The following HES4 variants were observed in gnomAD, a reference collection of about 807,000 sequenced individuals.
The protein encoded by HES4 is hes family bHLH transcription factor 4, also known as transcription factor HES-4.
A neutral mutation model predicts 10.7 loss-of-function variants in HES4; 17 were observed. The observed-to-expected ratio is 1.59, with a 90% CI of 1.09 to 2.38. The LOEUF (loss-of-function observed/expected upper bound fraction) is 2.38. Among genes scored for constraint, HES4 ranks in the 30% most tolerant of loss-of-function variants. The pLI is 0.00. For missense variants in HES4, 389 were observed against 332.1 expected (o/e 1.17, Z -1.33); for synonymous variants, 189 against 159.7 (o/e 1.18, Z -1.38).
Position 999,215 on chromosome 1 carries a change from G to T in HES4, c.510C>A (p.Pro170=), listed in dbSNP as rs1375757584. 7.7e-7 allele frequency: 1 copy of T among 1,305,150 alleles called. No homozygotes were observed. Among genetic ancestry groups the T allele is most frequent in the Non-Finnish European group, 9.7e-7 (1 of 1,033,414 alleles). 80.8% of individuals were successfully genotyped at this position (1,305,150 alleles called of 1,614,324 possible). A position where few individuals can be genotyped will look rare whatever the true frequency, so the allele number is the denominator to read the frequency against. The change falls in exon 4 of 4, where the codon CCC becomes CCA. Residue 170 remains proline (P), a synonymous_variant. Transcript: ENST00000304952. The stretch of plus-strand genomic sequence containing the variant: ...GCAGCGGGCGGCCCGCGTAGACCTC[G>T]GGCGCTGGGGCCTCTGCGGGGGCAG... The part of the protein sequence containing the change: ...SPAAPAEAPA[P]EVYAGRPLLP...
Position 999,530 on chromosome 1 carries a change from C to T in HES4, c.288G>A (p.Val96=). ...CCGCCGCCGCCCGCGCCTCACCCGT[C>T]ACCTGCACGCGACGCAGGCTCCGCA... The part of the protein sequence containing the change: ...RHLRSLRRVQ[V]TAALSADPAV... The change falls in exon 3 of 4, where the codon GTG becomes GTA. Residue 96 remains valine, a synonymous_variant. Coordinates refer to ENST00000304952, the MANE Select transcript of HES4 (RefSeq NM_021170.4). 2 of 1,598,866 alleles carry T rather than the reference C, an allele frequency of 1.3e-6. No homozygotes were observed. Among genetic ancestry groups the T allele is most frequent in the African/African-American group, 1.4e-5 (1 of 73,862 alleles).
Position 999,320 on chromosome 1 carries a change from C to A in HES4, c.405G>T (p.Val135=). Reference sequence around the variant, plus strand: ...CCAGGTGGCCCAGCAGGCGGGAGCGCACGTCGGCCGGGACGCCCTCGCAGC... The same window carrying A: ...CCAGGTGGCCCAGCAGGCGGGAGCGAACGTCGGCCGGGACGCCCTCGCAGC... The part of the protein sequence containing the change: ...LAGCEGVPAD[V]RSRLLGHLAA... The change falls in exon 4 of 4, where the codon GTG becomes GTT. Residue 135 remains valine (V), a synonymous_variant. Transcript: ENST00000304952. 1 of 1,478,470 alleles carries A rather than the reference C, an allele frequency of 6.8e-7. No individual in the cohort carries two copies. The highest frequency in any genetic ancestry group is 8.9e-7 in the Non-Finnish European group (1 of 1,121,336). The allele number at this position is 1,478,470 out of a possible 1,614,324, so 91.6% of individuals were successfully genotyped here.
At position 999,602 on chromosome 1, in the gene HES4, G is replaced by A; in HGVS notation, c.216C>T (p.His72=). Residue 72 remains histidine, a synonymous_variant, in exon 3 of 4, where the codon CAC becomes CAT. Coordinates refer to ENST00000304952, the MANE Select transcript of HES4 (RefSeq NM_021170.4). ...GGATGTCCGCCTTCTCCAGCTTCGA[G>A]TGGCGGGAGCTCTGGGGGCGGGGAT... ...LDALRKESSR[H]SKLEKADILE... 6.2e-7 allele frequency: 1 copy of A among 1,607,950 alleles called. No individual in the cohort carries two copies. The highest frequency in any genetic ancestry group is 8.5e-7 in the Non-Finnish European group (1 of 1,178,084).
rs1229848342 is a variant in HES4 at position 999,088 on chromosome 1, C to G, written c.637G>C (p.Gly213Arg). 6 of 1,233,108 alleles carry G rather than the reference C, an allele frequency of 4.9e-6. No individual in the cohort carries two copies. Among genetic ancestry groups the G allele is most frequent in the Admixed American group, 4.0e-5 (1 of 25,082 alleles). The allele number at this position is 1,233,108 out of a possible 1,614,324, so 76.4% of individuals were successfully genotyped here. ...AAPRAGPQGP[G>R]GPWRPWLR ...CGCAGCCACGGCCTCCAGGGCCCAC[C>G]CGGGCCCTGCGGCCCCGCCCTGGGG... Residue 213 changes from glycine to arginine, a missense_variant, in exon 4 of 4, where the codon GGT (glycine) becomes CGT (arginine). Coordinates refer to ENST00000304952, the MANE Select transcript of HES4 (RefSeq NM_021170.4).
Position 999,986 on chromosome 1 carries a change from G to C in HES4, c.-13C>G. The C allele has an allele frequency of 7.2e-7, 1 of 1,387,134 alleles. No homozygotes were observed. Among genetic ancestry groups the C allele is most frequent in the Non-Finnish European group, 9.3e-7 (1 of 1,078,368 alleles). 85.9% of individuals were successfully genotyped at this position (1,387,134 alleles called of 1,614,324 possible). A position where few individuals can be genotyped will look rare whatever the true frequency, so the allele number is the denominator to read the frequency against. ...TGTCTGCGGCCATGGTGCGCCCCGC[G>C]CCTCCCCGTGCCGGGTGGAGCGCGC... On this transcript the variant is annotated 5_prime_UTR_variant, in exon 1 of 4. Coordinates refer to ENST00000304952, the MANE Select transcript of HES4 (RefSeq NM_021170.4).
Position 999,943 on chromosome 1 carries a change from C to A in HES4, c.31G>T (p.Ala11Ser), listed in dbSNP as rs1014718030. ...GCCGGCGCTCCTGCCATCGGCGAGG[C>A]GCTCGGTTTCCCCGGCGTGTCTGCG... MAADTPGKPS[A>S]SPMAGAPASA... is the part of the protein sequence containing the mutation. Residue 11 changes from alanine (A) to serine (S), a missense_variant, in exon 1 of 4, where the codon GCC becomes TCC. Transcript: ENST00000304952. 2.7e-6 allele frequency: 4 copies of A among 1,455,536 alleles called. No homozygotes were observed. Among genetic ancestry groups the A allele is most frequent in the Non-Finnish European group, 2.7e-6 (3 of 1,114,064 alleles). 90.2% of individuals were successfully genotyped at this position (1,455,536 alleles called of 1,614,324 possible). A position where few individuals can be genotyped will look rare whatever the true frequency, so the allele number is the denominator to read the frequency against.
chr1:998,965 G>C lies in HES4; in HGVS notation c.*94C>G. 2 of 1,106,176 alleles carry C rather than the reference G, an allele frequency of 1.8e-6. No homozygotes were observed. The highest frequency in any genetic ancestry group is 1.2e-6 in the Non-Finnish European group (1 of 866,012). 68.5% of individuals were successfully genotyped at this position (1,106,176 alleles called of 1,614,324 possible). The stretch of plus-strand genomic sequence containing the variant: ...AAAGAAAACTCGTGACGCAGACTCT[G>C]GAATAATAAATACGTTTTCTCTGCT... On this transcript the variant is annotated 3_prime_UTR_variant, in exon 4 of 4. Coordinates refer to ENST00000304952, the MANE Select transcript of HES4 (RefSeq NM_021170.4).
At position 999,966 on chromosome 1, in the gene HES4, G is replaced by A. The variant is rs753810312; in HGVS notation, c.8C>T (p.Ala3Val). The part of the protein sequence containing the change: MA[A>V]DTPGKPSASP... ...GGCGCTCGGTTTCCCCGGCGTGTCT[G>A]CGGCCATGGTGCGCCCCGCGCCTCC... is the stretch of plus-strand genomic sequence containing the variant. Residue 3 changes from alanine (A) to valine (V), a missense_variant, in exon 1 of 4, where the codon GCA (alanine) becomes GTA (valine). Ala to Val is a moderately conservative substitution (Grantham distance 64, BLOSUM62 0). Transcript: ENST00000304952. The A allele has an allele frequency of 4.2e-6, 6 of 1,443,898 alleles. No homozygotes were observed. In the South Asian group the frequency reaches 5.4e-5, roughly 13 times the overall value. The allele number at this position is 1,443,898 out of a possible 1,614,324, so 89.4% of individuals were successfully genotyped here.
chr1:999,182 C>T lies in HES4; in HGVS notation c.543G>A (p.Ser181=). The T allele has an allele frequency of 8.0e-7, 1 of 1,256,962 alleles. No individual in the cohort carries two copies. Among genetic ancestry groups the T allele is most frequent in the South Asian group, 3.1e-5 (1 of 32,266 alleles). 77.9% of individuals were successfully genotyped at this position (1,256,962 alleles called of 1,614,324 possible). Residue 181 remains serine, a synonymous_variant, in exon 4 of 4, where the codon TCG becomes TCA. Transcript: ENST00000304952. ...EVYAGRPLLP[S]LGGPFPLLAP... ...CGAGCAGAGGGAAGGGGCCGCCGAGCGATGGCAGCAGCGGGCGGCCCGCGT... is the reference window on the plus strand; with the variant it reads ...CGAGCAGAGGGAAGGGGCCGCCGAGTGATGGCAGCAGCGGGCGGCCCGCGT...
rs1318057704 is a variant in HES4 at position 999,569 on chromosome 1, C to T, written c.249G>A (p.Met83Ile). ...SKLEKADILE[M>I]TVRHLRSLRR... ...GCAGGCTCCGCAGGTGTCTCACGGTCATCTCCAGGATGTCCGCCTTCTCCA... is the reference window on the plus strand; with the variant it reads ...GCAGGCTCCGCAGGTGTCTCACGGTTATCTCCAGGATGTCCGCCTTCTCCA... Residue 83 changes from methionine to isoleucine, a missense_variant, in exon 3 of 4, where the codon ATG becomes ATA. Coordinates refer to ENST00000304952, the MANE Select transcript of HES4 (RefSeq NM_021170.4). 1 of 1,607,898 alleles carries T rather than the reference C, an allele frequency of 6.2e-7. No individual in the cohort carries two copies. The highest frequency in any genetic ancestry group is 8.5e-7 in the Non-Finnish European group (1 of 1,178,022).
Position 999,212 on chromosome 1 carries a change from C to A in HES4, c.513G>T (p.Glu171Asp). Residue 171 changes from glutamate to aspartate, a missense_variant, in exon 4 of 4, where the codon GAG (glutamate) becomes GAT (aspartate). Transcript: ENST00000304952. ...PAAPAEAPAPEVYAGRPLLPS... is the reference protein window; with the variant it reads ...PAAPAEAPAPDVYAGRPLLPS... ...GCAGCAGCGGGCGGCCCGCGTAGAC[C>A]TCGGGCGCTGGGGCCTCTGCGGGGG... 7.7e-7 allele frequency: 1 copy of A among 1,304,542 alleles called. No homozygotes were observed. Among genetic ancestry groups the A allele is most frequent in the African/African-American group, 1.6e-5 (1 of 64,476 alleles). 80.8% of individuals were successfully genotyped at this position (1,304,542 alleles called of 1,614,324 possible).
chr1:999,944 G>C lies in HES4; in HGVS notation c.30C>G (p.Ser10Arg). The part of the protein sequence containing the change: MAADTPGKP[S>R]ASPMAGAPAS... The stretch of plus-strand genomic sequence containing the variant: ...CCGGCGCTCCTGCCATCGGCGAGGC[G>C]CTCGGTTTCCCCGGCGTGTCTGCGG... The change falls in exon 1 of 4, where the codon AGC (serine) becomes AGG (arginine). Residue 10 changes from serine to arginine, a missense_variant. By Grantham distance (110) the Ser-to-Arg change is moderately radical. Coordinates refer to ENST00000304952, the MANE Select transcript of HES4 (RefSeq NM_021170.4). 6.9e-7 allele frequency: 1 copy of C among 1,455,376 alleles called. No individual in the cohort carries two copies. Among genetic ancestry groups the C allele is most frequent in the Non-Finnish European group, 9.0e-7 (1 of 1,113,974 alleles). The allele number at this position is 1,455,376 out of a possible 1,614,324, so 90.2% of individuals were successfully genotyped here. A position where few individuals can be genotyped will look rare whatever the true frequency, so the allele number is the denominator to read the frequency against.
chr1:999,553 G>A lies in HES4; in HGVS notation c.265C>T (p.Arg89Trp), dbSNP rs774140145. 9 of 1,604,956 alleles carry A rather than the reference G, an allele frequency of 5.6e-6. No individual in the cohort carries two copies. The Admixed American group carries it at 1.0e-4, about 18-fold the overall frequency. Reference sequence around the variant, plus strand: ...GTCACCTGCACGCGACGCAGGCTCCGCAGGTGTCTCACGGTCATCTCCAGG... The same window carrying A: ...GTCACCTGCACGCGACGCAGGCTCCACAGGTGTCTCACGGTCATCTCCAGG... ...DILEMTVRHL[R>W]SLRRVQVTAA... Residue 89 changes from arginine to tryptophan, a missense_variant, in exon 3 of 4, where the codon CGG becomes TGG. Arg to Trp is a moderately radical substitution (Grantham distance 101). Coordinates refer to ENST00000304952, the MANE Select transcript of HES4 (RefSeq NM_021170.4).
rs1039053449 is a variant in HES4 at position 999,688 on chromosome 1, T to G, written c.204+4A>C. 2 of 1,611,610 alleles carry G rather than the reference T, an allele frequency of 1.2e-6. No homozygotes were observed. Among genetic ancestry groups the G allele is most frequent in the South Asian group, 2.2e-5 (2 of 90,796 alleles). ...CGGGTCTCGGGCCTTCGCCCCCGAC[T>G]TACCTCTTTTCTGAGGGCGTCCAGG... On this transcript the variant is annotated splice_donor_region_variant and intron_variant, in intron 2 of 3. Transcript: ENST00000304952.
At chr1:999,844 T>A (rs1644002529) in intron 1 of HES4, 22 bp downstream of exon 1, 1 of 1,585,752 alleles carries the variant, frequency 6.3e-7, no homozygotes, top group Non-Finnish European at 8.6e-7. Context: ...GTCGCCCCCC[T>A]CACGCCCGGC....
At chr1:999,821 C>G (rs761247038) in intron 1 of HES4, 34 bp from the exon 2 acceptor site, 11 of 1,604,806 alleles carry the variant, frequency 6.9e-6, no homozygotes, top group Middle Eastern at 1.8e-4. Flanking sequence ...TCCCGCGTCC[C>G]TCCCGCCCCC....
rs1246661987 is a variant in HES4, at chr1:999,100, G to C, written c.625C>G (p.Pro209Ala). 1 of 1,221,728 alleles carries C rather than the reference G, an allele frequency of 8.2e-7. No individual in the cohort carries two copies. The highest frequency in any genetic ancestry group is 1.6e-5 in the African/African-American group (1 of 63,850). 75.7% of individuals were successfully genotyped at this position (1,221,728 alleles called of 1,614,324 possible). A position where few individuals can be genotyped will look rare whatever the true frequency, so the allele number is the denominator to read the frequency against. Reference sequence around the variant, plus strand: ...CTCCAGGGCCCACCCGGGCCCTGCGGCCCCGCCCTGGGGGCGGCGGGCAGC... The same window carrying C: ...CTCCAGGGCCCACCCGGGCCCTGCGCCCCCGCCCTGGGGGCGGCGGGCAGC... ...RALPAAPRAGPQGPGGPWRPW... is the reference protein window; with the variant it reads ...RALPAAPRAGAQGPGGPWRPW... The change falls in exon 4 of 4, where the codon CCG (proline) becomes GCG (alanine). Residue 209 changes from proline to alanine, a missense_variant. Physicochemically the swap from Pro to Ala is conservative, Grantham distance 27. Coordinates refer to ENST00000304952, the MANE Select transcript of HES4 (RefSeq NM_021170.4).
At position 1,000,085 on chromosome 1, in the gene HES4, G is replaced by T; in HGVS notation, c.-112C>A. On this transcript the variant is annotated 5_prime_UTR_variant, in exon 1 of 4. Transcript: ENST00000304952. ...ATCCGAGCCCCTAGGGCGGATCCCG[G>T]CTCCAGGCCCGCGCGCGCCTCAGGC... 1 of 901,992 alleles carries T rather than the reference G, an allele frequency of 1.1e-6. No homozygotes were observed. Among genetic ancestry groups the T allele is most frequent in the Non-Finnish European group, 1.4e-6 (1 of 713,566 alleles). The allele number at this position is 901,992 out of a possible 1,614,324, so 55.9% of individuals were successfully genotyped here.
rs909474523 is a variant in HES4 at position 999,982 on chromosome 1, C to T, written c.-9G>A. ...GGCGTGTCTGCGGCCATGGTGCGCC[C>T]CGCGCCTCCCCGTGCCGGGTGGAGC... On this transcript the variant is annotated 5_prime_UTR_variant, in exon 1 of 4. Transcript: ENST00000304952. The T allele has an allele frequency of 7.9e-6, 11 of 1,397,304 alleles. No homozygotes were observed. The African/African-American group carries it at 1.7e-4, about 21-fold the overall frequency. 86.6% of individuals were successfully genotyped at this position (1,397,304 alleles called of 1,614,324 possible).
Sources: gnomAD v4.1 joint callset for allele counts on GRCh38, gnomAD v4.1.1 for gene constraint, MANE v1.5 for transcripts, NCBI Gene and HGNC (gene_info 2026-07-23, HGNC 2026-07-21) for gene names.